ETS2: variants seen among roughly 807,000 people sequenced by gnomAD.
The protein encoded by ETS2 is ETS proto-oncogene 2, transcription factor.
ETS2 carries 19 observed loss-of-function variants against 54.9 expected under a neutral mutation model. That is an observed-to-expected ratio of 0.35 (90% CI 0.24 to 0.51). The LOEUF (loss-of-function observed/expected upper bound fraction) is 0.51. Among genes scored for constraint, ETS2 ranks in the 20% least tolerant of loss-of-function variants. ETS2 has a pLI of 0.97. For missense variants in ETS2, 417 were observed against 593.0 expected, an observed-to-expected ratio of 0.70 and a Z score of 3.08; for synonymous variants, 219 against 229.3, an observed-to-expected ratio of 0.95 and a Z score of 0.41.
rs755229059 is a variant in ETS2, at chr21:38,814,282, A to G, written c.194A>G (p.Asn65Ser). ...GGGGGTTTCCTTCCAGACTCCGCCA[A>G]CTGTGAATTGCCTTTGTTAACCCCG... ...GLDSISHDSA[N>S]CELPLLTPCS... is the part of the protein sequence containing the mutation. Residue 65 changes from asparagine to serine, a missense_variant, in exon 4 of 10, where the codon AAC becomes AGC. This residue lies in a region of ETS2 where 326 missense variants were observed against 426.1 expected (regional missense o/e 0.76). Coordinates refer to ENST00000360938, the MANE Select transcript of ETS2 (RefSeq NM_005239.6). The surrounding 1 kb of genome is among the most constrained non-coding windows in gnomAD (Gnocchi z 4.2). The G allele has an allele frequency of 6.2e-6, 10 of 1,614,086 alleles. No homozygotes were observed. The highest frequency in any genetic ancestry group is 1.1e-5 in the South Asian group (1 of 91,078).
Position 38,824,704 on chromosome 21 carries a change from G to C in ETS2, c.*1815G>C, listed in dbSNP as rs548229218. Reference sequence around the variant, plus strand: ...ATCTGTTTATAATATAAACAGACATGTGACTGGGAACATCTTGCTGCCAAA... The same window carrying C: ...ATCTGTTTATAATATAAACAGACATCTGACTGGGAACATCTTGCTGCCAAA... On this transcript the variant is annotated 3_prime_UTR_variant, in exon 10 of 10. Transcript: ENST00000360938. 1 of 152,612 alleles carries C rather than the reference G, an allele frequency of 6.6e-6. No homozygotes were observed. The highest frequency in any genetic ancestry group is 2.1e-4 in the South Asian group (1 of 4,828). 9.5% of individuals were successfully genotyped at this position (152,612 alleles called of 1,614,324 possible). A position where few individuals can be genotyped will look rare whatever the true frequency, so the allele number is the denominator to read the frequency against.
chr21:38,814,454 G>C lies in ETS2; in HGVS notation c.304+62G>C, dbSNP rs888712504. 78 of 1,590,184 alleles carry C rather than the reference G, an allele frequency of 4.9e-5. No individual in the cohort carries two copies. The highest frequency in any genetic ancestry group is 6.5e-5 in the Non-Finnish European group (76 of 1,165,304). Reference sequence around the variant, plus strand: ...AGAACCAACTTCAGTGCAGTTGTTTGATCTTGACTTGTTTATTAAGCTTTT... The same window carrying C: ...AGAACCAACTTCAGTGCAGTTGTTTCATCTTGACTTGTTTATTAAGCTTTT... On this transcript the variant is annotated intron_variant, in intron 4 of 9. Coordinates refer to ENST00000360938, the MANE Select transcript of ETS2 (RefSeq NM_005239.6). The surrounding 1 kb of genome is among the most constrained non-coding windows in gnomAD (Gnocchi z 4.2).
chr21:38,821,882 G>A lies in ETS2; in HGVS notation c.1194+178G>A, dbSNP rs999099266. Among the ~76,000 whole-genome samples the A allele has an allele frequency of 7.2e-5, 11 of 152,200 alleles. No individual in the cohort carries two copies. Among genetic ancestry groups the A allele is most frequent in the Non-Finnish European group, 1.6e-4 (11 of 68,040 alleles). The stretch of plus-strand genomic sequence containing the variant: ...TGGAGTCATTGCTTTGTTGATAAAC[G>A]TGTACAGTGTTTTCTGGGTATGCTT... On this transcript the variant is annotated intron_variant, in intron 9 of 9. Transcript: ENST00000360938. This position sits in a 1 kb window ranked among gnomAD's most constrained non-coding sequence, Gnocchi z 4.2.
At chr21:38,822,292 C>T (rs2070531) in intron 9 of ETS2, among the ~76,000 whole-genome samples, 52,317 of 152,092 alleles carry the variant, frequency 0.34, 9,135 homozygotes, top group Non-Finnish European at 0.36. Flanking sequence ...ATGAGTATAT[C>T]ACACAGCTCA....
upstream of ETS2, chr21:38,805,613 G>C (rs999605460): frequency 8.0e-7 from 1 of 1,255,342 alleles, no homozygotes; most frequent in Non-Finnish European, 1.0e-6. This position sits in a 1 kb window ranked among gnomAD's most constrained non-coding sequence, Gnocchi z 5.2. Flanking sequence ...GAGGCGGAGG[G>C]AAGGTTGGGC....
intron 1 of ETS2, among the ~76,000 whole-genome samples, chr21:38,807,887 A>AT (rs1248788196): frequency 3.3e-5 from 5 of 152,150 alleles, no homozygotes; most frequent in Admixed American, 1.3e-4. Flanking sequence ...GATGTCTATG[A>AT]TTTTGGCCTT....
At position 38,823,121 on chromosome 21, in the gene ETS2, G is replaced by A. The variant is rs2060965178; in HGVS notation, c.*232G>A. 7.8e-6 allele frequency: 3 copies of A among 383,602 alleles called. No homozygotes were observed. Among genetic ancestry groups the A allele is most frequent in the Non-Finnish European group, 1.4e-5 (3 of 216,010 alleles). 23.8% of individuals were successfully genotyped at this position (383,602 alleles called of 1,614,324 possible). A position where few individuals can be genotyped will look rare whatever the true frequency, so the allele number is the denominator to read the frequency against. On this transcript the variant is annotated 3_prime_UTR_variant, in exon 10 of 10. Transcript: ENST00000360938. ...ACAGTGCTTTTAAGTGAAAATGGTC[G>A]AGAAAGAGGCACCAGGAAGCCGTCC...
chr21:38,821,692 C>T lies in ETS2; in HGVS notation c.1182C>T (p.Ala394=), dbSNP rs185172042. 2.2e-4 allele frequency: 352 copies of T among 1,611,362 alleles called. No individual in the cohort carries two copies. The highest frequency in any genetic ancestry group is 3.2e-4 in the Admixed American group (19 of 60,014). The change falls in exon 9 of 10, where the codon GCC becomes GCT. Residue 394 remains alanine, a synonymous_variant. Transcript: ENST00000360938. The surrounding 1 kb of genome is among the most constrained non-coding windows in gnomAD (Gnocchi z 4.2). ...WTGDGWEFKL[A]DPDEVARRWG... ...GAGACGGATGGGAGTTTAAGCTCGC[C>T]GACCCCGATGAGGTATGGCCAGAGC... is the stretch of plus-strand genomic sequence containing the variant.
In ETS2 at chr21:38,819,507, T is replaced by A. The variant is rs457705; in HGVS notation, c.816T>A (p.Thr272=). Reference sequence around the variant, plus strand: ...GTGTTTGGTTGTCTTTGCCAGGGACTCCCAAAGACCACGACTCCCCTGAGA... The same window carrying A: ...GTGTTTGGTTGTCTTTGCCAGGGACACCCAAAGACCACGACTCCCCTGAGA... ...NLNLLTNNSG[T]PKDHDSPENG... The change falls in exon 8 of 10, where the codon ACT becomes ACA. Residue 272 remains threonine, a synonymous_variant. Transcript: ENST00000360938. 15 of 1,613,146 alleles carry A rather than the reference T, an allele frequency of 9.3e-6. No individual in the cohort carries two copies. The highest frequency in any genetic ancestry group is 4.5e-5 in the East Asian group (2 of 44,846).
chr21:38,806,439 T>G lies in ETS2; in HGVS notation c.-1+319T>G, dbSNP rs1422253129. The G allele has an allele frequency of 2.0e-6, 2 of 985,438 alleles. No homozygotes were observed. The highest frequency in any genetic ancestry group is 2.4e-6 in the Non-Finnish European group (2 of 830,084). 61.0% of individuals were successfully genotyped at this position (985,438 alleles called of 1,614,324 possible). ...CGCGCTGGCTTGTTTCGCTCGCTTT[T>G]GTTTTTAAAAGGAAACGCAGGCCTG... is the stretch of plus-strand genomic sequence containing the variant. On this transcript the variant is annotated intron_variant, in intron 1 of 9. Coordinates refer to ENST00000360938, the MANE Select transcript of ETS2 (RefSeq NM_005239.6). This position sits in a 1 kb window ranked among gnomAD's most constrained non-coding sequence, Gnocchi z 4.3.
chr21:38,811,685 T>A (rs2060914509), intron 2 of ETS2, among the ~76,000 whole-genome samples: 1 of 152,262 alleles, frequency 6.6e-6, no homozygotes, highest in African/African-American at 2.4e-5. Flanking sequence ...ATTTCTTTCA[T>A]AAATGTTATG....
In ETS2 at chr21:38,822,977, G is replaced by A; in HGVS notation, c.*88G>A. On this transcript the variant is annotated 3_prime_UTR_variant, in exon 10 of 10. Coordinates refer to ENST00000360938, the MANE Select transcript of ETS2 (RefSeq NM_005239.6). ...CCAGCTGCTCCGAGGACCCAGGAAAGGCAGGATTGAAAATGTCCAGGAAAG... is the reference window on the plus strand; with the variant it reads ...CCAGCTGCTCCGAGGACCCAGGAAAAGCAGGATTGAAAATGTCCAGGAAAG... 2 of 1,093,138 alleles carry A rather than the reference G, an allele frequency of 1.8e-6. No individual in the cohort carries two copies. The highest frequency in any genetic ancestry group is 1.6e-5 in the African/African-American group (1 of 62,714). 67.7% of individuals were successfully genotyped at this position (1,093,138 alleles called of 1,614,324 possible).
Position 38,814,147 on chromosome 21 carries a change from T to C in ETS2, c.185-126T>C. 2 of 946,944 alleles carry C rather than the reference T, an allele frequency of 2.1e-6. No individual in the cohort carries two copies. The highest frequency in any genetic ancestry group is 3.3e-6 in the Non-Finnish European group (2 of 615,062). The allele number at this position is 946,944 out of a possible 1,614,324, so 58.7% of individuals were successfully genotyped here. On this transcript the variant is annotated intron_variant, in intron 3 of 9. Coordinates refer to ENST00000360938, the MANE Select transcript of ETS2 (RefSeq NM_005239.6). This position sits in a 1 kb window ranked among gnomAD's most constrained non-coding sequence, Gnocchi z 4.2. ...TTTTTTGTTAATAGTTACACTGTTT[T>C]AAGGAATCATGCCAAGGTTTGAGAT...
At chr21:38,817,132 G>A (rs2060938745) in intron 6 of ETS2, 41 bp downstream of exon 6, 5 of 1,299,290 alleles carry the variant, frequency 3.8e-6, no homozygotes, top group African/African-American at 2.9e-5. Context: ...TTTGTCTTCA[G>A]TCTTCCCAGT....
rs1445946373 is a variant in ETS2 at position 38,818,637 on chromosome 21, A to G, written c.802A>G (p.Asn268Asp). 6.2e-7 allele frequency: 1 copy of G among 1,614,172 alleles called. No individual in the cohort carries two copies. Among genetic ancestry groups the G allele is most frequent in the Admixed American group, 1.7e-5 (1 of 60,036 alleles). The stretch of plus-strand genomic sequence containing the variant: ...AGGCAGCAACTTGAATTTGCTCACC[A>G]ACAATTCTGGTAAGATTGGAAGCAT... ...FPGSNLNLLT[N>D]NSGTPKDHDS... Residue 268 changes from asparagine (N) to aspartate (D), a missense_variant, in exon 7 of 10, where the codon AAC becomes GAC. Transcript: ENST00000360938.
At position 38,806,151 on chromosome 21, in the gene ETS2, C is replaced by T; in HGVS notation, c.-1+31C>T. 4 of 1,012,208 alleles carry T rather than the reference C, an allele frequency of 4.0e-6. No individual in the cohort carries two copies. Among genetic ancestry groups the T allele is most frequent in the South Asian group, 3.8e-5 (1 of 26,556 alleles). The allele number at this position is 1,012,208 out of a possible 1,614,324, so 62.7% of individuals were successfully genotyped here. ...AGCTGGGCCCGCAGAGAGCGCCCGG[C>T]GCGCGGCTCCAGTCCCATGGAGGGT... On this transcript the variant is annotated intron_variant, in intron 1 of 9. Coordinates refer to ENST00000360938, the MANE Select transcript of ETS2 (RefSeq NM_005239.6). This position sits in a 1 kb window ranked among gnomAD's most constrained non-coding sequence, Gnocchi z 4.3.
chr21:38,812,955 A>G, intron 2 of ETS2, 48 bp from the exon 3 acceptor site: 1 of 1,302,090 alleles, frequency 7.7e-7, no homozygotes, highest in Non-Finnish European at 1.1e-6. Flanking sequence ...AGGTAATTCA[A>G]TCAGTTTAAA....
At position 38,806,133 on chromosome 21, in the gene ETS2, C is replaced by T. The variant is rs1422313744; in HGVS notation, c.-1+13C>T. On this transcript the variant is annotated intron_variant, in intron 1 of 9. Transcript: ENST00000360938. This position sits in a 1 kb window ranked among gnomAD's most constrained non-coding sequence, Gnocchi z 4.3. ...CCGCAGCGGCAGGGTAAGAGCTGGG[C>T]CCGCAGAGAGCGCCCGGCGCGCGGC... 4.1e-5 allele frequency: 42 copies of T among 1,014,088 alleles called. 1 individual carries two copies. In the Admixed American group the frequency reaches 2.1e-3, roughly 52 times the overall value. 62.8% of individuals were successfully genotyped at this position (1,014,088 alleles called of 1,614,324 possible).
chr21:38,818,404 C>G (rs549885445), intron 6 of ETS2, 21 bp from the exon 7 acceptor site: 3 of 1,613,370 alleles, frequency 1.9e-6, no homozygotes, highest in Non-Finnish European at 8.5e-7. Flanking sequence ...AGAGCTCTGC[C>G]GTCCGATTGT....
Sources: allele counts gnomAD v4.1 joint callset (sites outside exome capture counted in the v4.1 genomes callset), GRCh38; gene constraint gnomAD v4.1.1; regional missense constraint gnomAD v4.1.1; non-coding constraint Gnocchi (gnomAD v3.1); transcripts MANE v1.5; gene names NCBI Gene and HGNC (gene_info 2026-07-23, HGNC 2026-07-21).